Variants in ASPH observed in about 807,000 individuals in gnomAD.
The protein encoded by ASPH is aspartate beta-hydroxylase.
Under a neutral mutation model 118.4 loss-of-function variants are expected in ASPH, and 100 were observed. The ratio of observed to expected loss-of-function variants is 0.84; its 90% CI spans 0.72 to 1.00. ASPH has a LOEUF of 1.00. Ranked by LOEUF, ASPH falls within the 50% of genes least tolerant of loss-of-function variation. The pLI is 0.00. For synonymous variants in ASPH, 315 were observed against 325.6 expected, an observed-to-expected ratio of 0.97 and a Z score of 0.35; for missense variants, 920 against 919.5, an observed-to-expected ratio of 1.00 and a Z score of -0.01.
chr8:61,649,714 T>C (rs948467449), intron 5 of ASPH, among the ~76,000 whole-genome samples: 10 of 151,572 alleles, frequency 6.6e-5, no homozygotes, highest in Non-Finnish European at 1.3e-4. Context: ...CTCCTTTGGC[T>C]GAGGCAAGTT....
At chr8:61,664,705 G>T (rs1398566413) in intron 3 of ASPH, 7 of 986,070 alleles carry the variant, frequency 7.1e-6, no homozygotes, top group Non-Finnish European at 7.2e-6. Context: ...CCCATGAAAA[G>T]CCTGAGGAAC....
At chr8:61,700,978 AT>A (rs1835110987) in intron 1 of ASPH, among the ~76,000 whole-genome samples, 1 of 152,210 alleles carries the variant, frequency 6.6e-6, no homozygotes, top group African/African-American at 2.4e-5. Context: ...ATTCCCTGAG[AT>A]TTAACAAGTG....
At chr8:61,578,594 C>T in intron 15 of ASPH, 6 of 1,523,688 alleles carry the variant, frequency 3.9e-6, no homozygotes, top group Non-Finnish European at 5.4e-6. Context: ...AGTGGAGCCT[C>T]CTGCAGCAGC....
intron 24 of ASPH, among the ~76,000 whole-genome samples, chr8:61,514,996 GAGGC>G (rs1052659693): frequency 2.0e-5 from 3 of 148,978 alleles, no homozygotes; most frequent in Non-Finnish European, 4.5e-5. Context: ...GGGAGAGAGG[GAGGC>G]AGGCAGGCAG....
At position 61,666,322 on chromosome 8, in the gene ASPH, G is replaced by A. The variant is rs75122603; in HGVS notation, c.323-12662C>T. Among the ~76,000 whole-genome samples the A allele has an allele frequency of 5.1e-3, 777 of 152,240 alleles. 9 individuals are homozygous for A. The highest frequency in any genetic ancestry group is 0.018 in the African/African-American group (738 of 41,558). On this transcript the variant is annotated intron_variant, in intron 3 of 24. Coordinates refer to ENST00000379454, the MANE Select transcript of ASPH (RefSeq NM_004318.4). ...AGAGAGCAATTAAATGAAACACACA[G>A]CTAATTCCAAATCTCATGGAAGGTA...
At chr8:61,570,150 T>C (rs1833029192) in intron 16 of ASPH, among the ~76,000 whole-genome samples, 2 of 152,318 alleles carry the variant, frequency 1.3e-5, no homozygotes, top group Non-Finnish European at 1.5e-5. Context: ...AGAGCCTATA[T>C]TAAATGTGCT....
chr8:61,653,756 A>G, intron 3 of ASPH, 96 bp from the exon 4 acceptor site: 1 of 1,215,164 alleles, frequency 8.2e-7, no homozygotes, highest in Non-Finnish European at 1.1e-6. Flanking sequence ...TTTAATTAAT[A>G]GTGCTGCTAA....
At chr8:61,583,921 T>C (rs761608535) in intron 15 of ASPH, 23 bp downstream of exon 15, 100 of 1,491,540 alleles carry the variant, frequency 6.7e-5, no homozygotes, top group Middle Eastern at 1.7e-4. Flanking sequence ...AACAAAACCA[T>C]TGCACAAAAA....
chr8:61,564,706 C>T (rs115282503), intron 17 of ASPH, among the ~76,000 whole-genome samples: 1,541 of 152,346 alleles, frequency 0.01, 21 homozygotes, highest in African/African-American at 0.034. Context: ...TTCTGCTGCA[C>T]TGGTCCCTAT....
rs751664216 is a variant in ASPH, at chr8:61,653,634, G to T, written c.349C>A (p.Pro117Thr). ...LGLKERSTSEPAVPPEEAEPH... is the reference protein window; with the variant it reads ...LGLKERSTSETAVPPEEAEPH... Reference sequence around the variant, plus strand: ...TCAGCCTCTTCTGGCGGGACTGCTGGCTCTGAAGTAGATCTCTCTTTAAGT... The same window carrying T: ...TCAGCCTCTTCTGGCGGGACTGCTGTCTCTGAAGTAGATCTCTCTTTAAGT... Residue 117 changes from proline (P) to threonine (T), a missense_variant, in exon 4 of 25, where the codon CCA (proline) becomes ACA (threonine). Transcript: ENST00000379454. 18 of 1,613,712 alleles carry T rather than the reference G, an allele frequency of 1.1e-5. No individual in the cohort carries two copies. Among genetic ancestry groups the T allele is most frequent in the Non-Finnish European group, 8.5e-7 (1 of 1,179,970 alleles).
chr8:61,645,979 G>A (rs1807738851), intron 6 of ASPH, among the ~76,000 whole-genome samples: 1 of 152,204 alleles, frequency 6.6e-6, no homozygotes, highest in African/African-American at 2.4e-5. Context: ...GAGGCCAGGA[G>A]TTTGAGACCA....
In ASPH at chr8:61,501,056, T is replaced by TA. The variant is rs1414391512; in HGVS notation, c.*2302dup. The TA allele has an allele frequency of 6.6e-6, 1 of 152,080 alleles. No individual in the cohort carries two copies. Among genetic ancestry groups the TA allele is most frequent in the African/African-American group, 2.4e-5 (1 of 41,370 alleles). 9.4% of individuals were successfully genotyped at this position (152,080 alleles called of 1,614,324 possible). ...TGGAGAAATAAAGTTGAAACAGAAT[T>TA]AAAAATATTTCTCAAACAACTGTAT... On this transcript the variant is annotated 3_prime_UTR_variant, in exon 25 of 25. Coordinates refer to ENST00000379454, the MANE Select transcript of ASPH (RefSeq NM_004318.4).
In ASPH at chr8:61,706,404, C is replaced by CA. The variant is rs55731088; in HGVS notation, c.103+7864dup. Among the ~76,000 whole-genome samples the CA allele has an allele frequency of 8.5e-3, 601 of 70,552 alleles. 29 individuals carry two copies. Among genetic ancestry groups the CA allele is most frequent in the African/African-American group, 0.027 (462 of 16,824 alleles). The allele number at this position is 70,552 out of a possible 152,430, so 46.3% of individuals were successfully genotyped here. A position where few individuals can be genotyped will look rare whatever the true frequency, so the allele number is the denominator to read the frequency against. ...TGGGTGAAAGAGCGAGGTCATGACT[C>CA]AAAAAAAAAAAAAAAAAAAAAAAAA... On this transcript the variant is annotated intron_variant, in intron 1 of 24. Transcript: ENST00000379454.
At chr8:61,576,638 T>G in intron 16 of ASPH, 134 bp downstream of exon 16, 1 of 672,752 alleles carries the variant, frequency 1.5e-6, no homozygotes, top group South Asian at 3.0e-5. Flanking sequence ...ATTGTATTTC[T>G]TGCTTATGCA....
intron 14 of ASPH, among the ~76,000 whole-genome samples, chr8:61,604,022 T>A (rs1460781817): frequency 6.6e-6 from 1 of 152,252 alleles, no homozygotes; most frequent in Non-Finnish European, 1.5e-5. Context: ...TGTGGAATTC[T>A]ATAAAGTACA....
chr8:61,661,959 A>T, intron 3 of ASPH: 1 of 440,326 alleles, frequency 2.3e-6, no homozygotes, highest in Non-Finnish European at 4.0e-6. Context: ...TTGTTTAAAA[A>T]AAAAATTCAA....
intron 1 of ASPH, among the ~76,000 whole-genome samples, chr8:61,710,968 G>A (rs150754529): frequency 1.8e-3 from 275 of 152,190 alleles, no homozygotes; most frequent in African/African-American, 6.0e-3. Context: ...TTCTAATTAA[G>A]CCTAAACAAA....
intron 1 of ASPH, among the ~76,000 whole-genome samples, chr8:61,702,808 G>C (rs953290641): frequency 3.3e-5 from 5 of 152,102 alleles, no homozygotes; most frequent in Non-Finnish European, 7.3e-5. Flanking sequence ...TTTTAAATTA[G>C]AGCATCTATT....
intron 3 of ASPH, among the ~76,000 whole-genome samples, chr8:61,654,789 T>C (rs1024038230): frequency 1.3e-5 from 2 of 152,104 alleles, no homozygotes; most frequent in African/African-American, 2.4e-5. Flanking sequence ...AACTCACCAC[T>C]AGTACACCTG....
Sources: gnomAD v4.1 joint callset for allele counts (sites outside exome capture counted in the v4.1 genomes callset) on GRCh38, gnomAD v4.1.1 for gene constraint, MANE v1.5 for transcripts, NCBI Gene and HGNC (gene_info 2026-07-23, HGNC 2026-07-21) for gene names.